The following TBKBP1 variants were observed in gnomAD, a reference collection of about 807,000 sequenced individuals.
TBKBP1 encodes TANK-binding kinase 1-binding protein 1.
TBKBP1 carries 47 observed loss-of-function variants against 69.9 expected under a neutral mutation model. That is an observed-to-expected ratio of 0.67 (90% CI 0.53 to 0.86). The LOEUF is 0.86. Among genes scored for constraint, TBKBP1 ranks in the 40% least tolerant of loss-of-function variants. The pLI is 0.00. For synonymous variants in TBKBP1, 418 were observed against 390.3 expected (o/e 1.07, Z -0.84); for missense variants, 831 against 858.6 (o/e 0.97, Z 0.40).
intron 5 of TBKBP1, 99 bp from the exon 6 acceptor site, chr17:47,699,221 T>C: frequency 7.7e-7 from 1 of 1,296,566 alleles, no homozygotes; most frequent in Non-Finnish European, 1.0e-6. Flanking sequence ...TCCTGGCTTC[T>C]CTCTTGGAGT....
chr17:47,700,130 G>GCGCT (rs1214710015), intron 7 of TBKBP1, among the ~76,000 whole-genome samples: 1 of 151,356 alleles, frequency 6.6e-6, no homozygotes, highest in Non-Finnish European at 1.5e-5. Flanking sequence ...AGGACTACAG[G>GCGCT]CGCTCGCCAC....
At position 47,699,344 on chromosome 17, in the gene TBKBP1, G is replaced by T; in HGVS notation, c.659G>T (p.Ser220Ile). The T allele has an allele frequency of 6.5e-7, 1 of 1,545,746 alleles. No individual in the cohort carries two copies. ...GCAGGCTGGCCGGGCTCCACACCCA[G>T]TGTGAGTGACCTGGAGCGGCGGCGG... ...SHAGWPGSTP[S>I]VSDLERRRLE... is the part of the protein sequence containing the mutation. The change falls in exon 6 of 10, where the codon AGT (serine) becomes ATT (isoleucine). Residue 220 changes from serine to isoleucine, a missense_variant. Coordinates refer to ENST00000578982, the MANE Select transcript of TBKBP1 (RefSeq NM_001394755.1).
At position 47,708,868 on chromosome 17, in the gene TBKBP1, T is replaced by C; in HGVS notation, c.1135T>C (p.Ser379Pro). 7.3e-7 allele frequency: 1 copy of C among 1,370,368 alleles called. No homozygotes were observed. 84.9% of individuals were successfully genotyped at this position (1,370,368 alleles called of 1,614,324 possible). ...CCGCTCTCCCGTGCCCCCGTGCCCCTCGCCGCAGCAGCGCCGCTCTCCGGC... is the reference window on the plus strand; with the variant it reads ...CCGCTCTCCCGTGCCCCCGTGCCCCCCGCCGCAGCAGCGCCGCTCTCCGGC... The part of the protein sequence containing the change: ...QRRSPVPPCP[S>P]PQQRRSPASP... Residue 379 changes from serine (S) to proline (P), a missense_variant, in exon 9 of 10, where the codon TCG becomes CCG. Ser to Pro is a moderately conservative substitution (Grantham distance 74). Transcript: ENST00000578982. This position sits in a 1 kb window ranked among gnomAD's most constrained non-coding sequence, Gnocchi z 4.4.
rs1467136640 is a variant in TBKBP1 at position 47,708,797 on chromosome 17, G to T, written c.1064G>T (p.Arg355Leu). Residue 355 changes from arginine to leucine, a missense_variant, in exon 9 of 10, where the codon CGA (arginine) becomes CTA (leucine). Coordinates refer to ENST00000578982, the MANE Select transcript of TBKBP1 (RefSeq NM_001394755.1). This position sits in a 1 kb window ranked among gnomAD's most constrained non-coding sequence, Gnocchi z 4.4. Reference sequence around the variant, plus strand: ...TGCCCCTCCCCCTCCCCGCCTGCCCGAGCGGCTCCCCCGTGCCCCCCGTGC... The same window carrying T: ...TGCCCCTCCCCCTCCCCGCCTGCCCTAGCGGCTCCCCCGTGCCCCCCGTGC... ...PQCPSPSPPA[R>L]AAPPCPPCQS... 1.4e-5 allele frequency: 6 copies of T among 439,806 alleles called. No individual in the cohort carries two copies. Among genetic ancestry groups the T allele is most frequent in the African/African-American group, 5.7e-5 (1 of 17,528 alleles). 27.2% of individuals were successfully genotyped at this position (439,806 alleles called of 1,614,324 possible). A position where few individuals can be genotyped will look rare whatever the true frequency, so the allele number is the denominator to read the frequency against.
intron 1 of TBKBP1, 57 bp from the exon 2 acceptor site, chr17:47,696,022 T>A (rs1045850939): frequency 3.0e-6 from 3 of 999,278 alleles, no homozygotes; most frequent in Non-Finnish European, 4.3e-6. Flanking sequence ...GGGAGAGGGG[T>A]ACCAGGGACA....
rs934552116 is a variant in TBKBP1, at chr17:47,708,335, A to G, written c.873-59A>G. On this transcript the variant is annotated intron_variant, in intron 7 of 9. Transcript: ENST00000578982. This position sits in a 1 kb window ranked among gnomAD's most constrained non-coding sequence, Gnocchi z 4.4. Reference sequence around the variant, plus strand: ...CTGGGGTAGAGCCAGTTCTTCCTCCACAGCTGGGACGGTAGACCCACTGCC... The same window carrying G: ...CTGGGGTAGAGCCAGTTCTTCCTCCGCAGCTGGGACGGTAGACCCACTGCC... 1.3e-6 allele frequency: 2 copies of G among 1,577,076 alleles called. No homozygotes were observed. The highest frequency in any genetic ancestry group is 2.7e-5 in the African/African-American group (2 of 74,272).
At position 47,697,063 on chromosome 17, in the gene TBKBP1, GGTGGGGCCC is replaced by G; in HGVS notation, c.349-25_349-17del. 1.3e-6 allele frequency: 2 copies of G among 1,594,156 alleles called. No individual in the cohort carries two copies. Among genetic ancestry groups the G allele is most frequent in the Non-Finnish European group, 1.7e-6 (2 of 1,170,126 alleles). On this transcript the variant is annotated splice_polypyrimidine_tract_variant and intron_variant, in intron 3 of 9. Transcript: ENST00000578982. Reference sequence around the variant, plus strand: ...AAGTCCAGTGTGGGACTGACCCTGTGGTGGGGCCCTCTGGGCCTCATCCAGTTACAGAAG... The same window carrying G: ...AAGTCCAGTGTGGGACTGACCCTGTGTCTGGGCCTCATCCAGTTACAGAAG...
intron 7 of TBKBP1, among the ~76,000 whole-genome samples, chr17:47,701,999 G>A (rs116322132): frequency 1.3e-5 from 2 of 152,320 alleles, no homozygotes; most frequent in Non-Finnish European, 2.9e-5. Context: ...CCAGCCACAC[G>A]CTTCCTTTCA....
At chr17:47,710,389 C>A in intron 9 of TBKBP1, 109 bp from the exon 10 acceptor site, 1 of 1,457,774 alleles carries the variant, frequency 6.9e-7, no homozygotes, top group Non-Finnish European at 9.3e-7. Flanking sequence ...TGGACCCCTC[C>A]TGCATGCCAC....
At chr17:47,695,963 A>T (rs774947297) in intron 1 of TBKBP1, 116 bp from the exon 2 acceptor site, 8 of 619,304 alleles carry the variant, frequency 1.3e-5, no homozygotes, top group Non-Finnish European at 2.2e-5. Flanking sequence ...AGCTCGGGGC[A>T]GGAAGTTTCT....
intron 5 of TBKBP1, 84 bp downstream of exon 5, chr17:47,698,859 C>T: frequency 8.0e-7 from 1 of 1,248,256 alleles, no homozygotes; most frequent in Non-Finnish European, 1.1e-6. Flanking sequence ...TACTTACCAT[C>T]CCATTTGTAA....
Position 47,708,860 on chromosome 17 carries a change from C to T in TBKBP1, c.1127C>T (p.Pro376Leu). ...PVPQRRSPVP[P>L]CPSPQQRRSP... ...CCCCAGCGCCGCTCTCCCGTGCCCC[C>T]GTGCCCCTCGCCGCAGCAGCGCCGC... The change falls in exon 9 of 10, where the codon CCG becomes CTG. Residue 376 changes from proline to leucine, a missense_variant. Coordinates refer to ENST00000578982, the MANE Select transcript of TBKBP1 (RefSeq NM_001394755.1). This position sits in a 1 kb window ranked among gnomAD's most constrained non-coding sequence, Gnocchi z 4.4. 3 of 1,427,890 alleles carry T rather than the reference C, an allele frequency of 2.1e-6. No homozygotes were observed. The highest frequency in any genetic ancestry group is 1.4e-5 in the South Asian group (1 of 73,126). The allele number at this position is 1,427,890 out of a possible 1,614,324, so 88.5% of individuals were successfully genotyped here.
intron 9 of TBKBP1, 72 bp downstream of exon 9, chr17:47,709,524 C>T (rs1597971171): frequency 1.4e-6 from 2 of 1,413,828 alleles, no homozygotes; most frequent in Non-Finnish European, 1.8e-6. Context: ...CCTCACCCTC[C>T]GTTGAGGGCC....
In TBKBP1 at chr17:47,708,761, C is replaced by CCGCCCCCCCCG; in HGVS notation, c.1028_1029insCGCCCCCCCCG (p.Gln346ProfsTer111). 7.3e-7 allele frequency: 1 copy of CCGCCCCCCCCG among 1,361,450 alleles called. No homozygotes were observed. Among genetic ancestry groups the CCGCCCCCCCCG allele is most frequent in the Non-Finnish European group, 9.9e-7 (1 of 1,011,944 alleles). The allele number at this position is 1,361,450 out of a possible 1,614,324, so 84.3% of individuals were successfully genotyped here. ...TCGCCGCTGTCACAACGCCACTCCC[C>CCGCCCCCCCCG]GGCCCCCCAGTGCCCCTCCCCCTCC... is the stretch of plus-strand genomic sequence containing the variant. On this transcript the variant is annotated frameshift_variant, in exon 9 of 10. Transcript: ENST00000578982. LOFTEE classifies it high-confidence loss of function. The surrounding 1 kb of genome is among the most constrained non-coding windows in gnomAD (Gnocchi z 4.4).
chr17:47,695,802 G>A (rs1369397254), intron 1 of TBKBP1: 5 of 304,732 alleles, frequency 1.6e-5, no homozygotes, highest in Non-Finnish European at 3.1e-5. Context: ...GTTCTGGCAG[G>A]AGCCTGCCCC....
intron 3 of TBKBP1, 112 bp from the exon 4 acceptor site, chr17:47,696,977 C>T: frequency 2.0e-6 from 3 of 1,507,434 alleles, no homozygotes; most frequent in Non-Finnish European, 2.7e-6. Context: ...TGCAGCTCCT[C>T]CTGCCCCTCC....
At chr17:47,697,585 G>C (rs1377683455) in intron 4 of TBKBP1, among the ~76,000 whole-genome samples, 1 of 152,096 alleles carries the variant, frequency 6.6e-6, no homozygotes, top group African/African-American at 2.4e-5. Context: ...TGAGGGCAGA[G>C]GTGACCAGGA....
chr17:47,694,894 G>T (rs2031154022), intron 1 of TBKBP1, among the ~76,000 whole-genome samples: 1 of 151,212 alleles, frequency 6.6e-6, no homozygotes, highest in Admixed American at 6.6e-5. Flanking sequence ...GCGGAGGGGG[G>T]GGGGTGGATT....
intron 1 of TBKBP1, chr17:47,694,615 A>G (rs1161328781): frequency 3.3e-5 from 5 of 152,052 alleles, no homozygotes; most frequent in African/African-American, 7.2e-5. Flanking sequence ...CATTGCGCTC[A>G]CCCGGGCGCT....
Sources: allele counts gnomAD v4.1 joint callset (sites outside exome capture counted in the v4.1 genomes callset), GRCh38; gene constraint gnomAD v4.1.1; non-coding constraint Gnocchi (gnomAD v3.1); transcripts MANE v1.5; gene names NCBI Gene and HGNC (gene_info 2026-07-23, HGNC 2026-07-21).